The following PTGIR variants were observed in gnomAD, a reference collection of about 807,000 sequenced individuals.
PTGIR encodes the protein prostaglandin I2 receptor, also known as prostacyclin receptor.
In PTGIR, 16 loss-of-function variants were observed where a neutral mutation model predicts 17.6. That is an observed-to-expected ratio of 0.91 (90% CI 0.61 to 1.38). The LOEUF (loss-of-function observed/expected upper bound fraction) is 1.38, where lower values mean the gene tolerates loss of function less well. Ranked by LOEUF, PTGIR falls within the 40% of genes most tolerant of loss-of-function variation. The probability of loss-of-function intolerance (pLI) is 0.00; values close to 1 mark genes in which losing one functional copy is unlikely to be tolerated. For missense variants in PTGIR, 532 were observed against 548.6 expected (o/e 0.97, Z 0.30); for synonymous variants, 274 against 255.4 (o/e 1.07, Z -0.69).
chr19:46,611,852 C>T, the PTGIR span, among the ~76,000 whole-genome samples: 71 of 152,250 alleles, frequency 4.7e-4, no homozygotes, highest in Non-Finnish European at 1.9e-4. Context: ...AACTTCTGAG[C>T]TTCTCACACA....
Position 46,623,804 on chromosome 19 carries a change from G to A in PTGIR, c.422C>T (p.Pro141Leu). The change falls in exon 2 of 3, where the codon CCA becomes CTA. Residue 141 changes from proline (P) to leucine (L), a missense_variant. Transcript: ENST00000291294. ...DGPRCARLAL[P>L]AIYAFCVLFC... ...GAGGACGCAGAAGGCGTAGATGGCT[G>A]GCAGCGCCAGGCGGGCGCAGCGGGG... The A allele has an allele frequency of 6.2e-7, 1 of 1,608,756 alleles. No homozygotes were observed.
In PTGIR at chr19:46,621,139, T is replaced by C; in HGVS notation, c.*141A>G. ...TTCCCAGAGCCAGCAGCGACTGCCC[T>C]GCCGCAGGAGAAACAGCAGCTGATC... On this transcript the variant is annotated 3_prime_UTR_variant, in exon 3 of 3. Transcript: ENST00000291294. The surrounding 1 kb of genome is among the most constrained non-coding windows in gnomAD (Gnocchi z 4.8). The C allele has an allele frequency of 7.3e-7, 1 of 1,369,720 alleles. No homozygotes were observed. The highest frequency in any genetic ancestry group is 9.4e-7 in the Non-Finnish European group (1 of 1,059,396). The allele number at this position is 1,369,720 out of a possible 1,614,324, so 84.8% of individuals were successfully genotyped here. A position where few individuals can be genotyped will look rare whatever the true frequency, so the allele number is the denominator to read the frequency against.
the PTGIR span, among the ~76,000 whole-genome samples, chr19:46,614,693 A>G: frequency 1.3e-5 from 2 of 152,298 alleles, no homozygotes; most frequent in South Asian, 4.1e-4. Context: ...CCTGGCCAAC[A>G]TGATGAAACC....
At chr19:46,618,042 T>C (rs1971988018), downstream of PTGIR, among the ~76,000 whole-genome samples, 1 of 123,052 alleles carries the variant, frequency 8.1e-6, no homozygotes, top group Non-Finnish European at 1.7e-5. Context: ...TGAGACGGAG[T>C]CTGGCTCTGT....
chr19:46,613,980 A>G, the PTGIR span, among the ~76,000 whole-genome samples: 3 of 152,236 alleles, frequency 2.0e-5, no homozygotes, highest in African/African-American at 4.8e-5. Context: ...ACATTATTAA[A>G]TAATCATGAC....
chr19:46,616,773 A>T (rs950028215), downstream of PTGIR, among the ~76,000 whole-genome samples: 8 of 152,056 alleles, frequency 5.3e-5, no homozygotes, highest in Non-Finnish European at 1.2e-4. Flanking sequence ...TGTCTCCCCC[A>T]CCAAACTGAG....
rs763480915 is a variant in PTGIR at position 46,624,240 on chromosome 19, G to A, written c.-12-3C>T. The A allele has an allele frequency of 1.2e-4, 171 of 1,426,930 alleles. No individual in the cohort carries two copies. Among genetic ancestry groups the A allele is most frequent in the Non-Finnish European group, 1.4e-4 (153 of 1,096,034 alleles). The allele number at this position is 1,426,930 out of a possible 1,614,324, so 88.4% of individuals were successfully genotyped here. A position where few individuals can be genotyped will look rare whatever the true frequency, so the allele number is the denominator to read the frequency against. Reference sequence around the variant, plus strand: ...GAATCCGCCATCCCAGGTCTGGGCTGGAGGGTTCCCAAGGTGGGGGGTCAG... The same window carrying A: ...GAATCCGCCATCCCAGGTCTGGGCTAGAGGGTTCCCAAGGTGGGGGGTCAG... On this transcript the variant is annotated splice_polypyrimidine_tract_variant and splice_region_variant and intron_variant, in intron 1 of 2. Transcript: ENST00000291294.
At chr19:46,613,347 T>TC in the PTGIR span, among the ~76,000 whole-genome samples, 1 of 15,112 alleles carries the variant, frequency 6.6e-5, no homozygotes, top group African/African-American at 2.6e-4. Context: ...CGCCTCCCCC[T>TC]ACCCCCCCAT....
In PTGIR at chr19:46,623,982, G is replaced by A. The variant is rs887502516; in HGVS notation, c.244C>T (p.Leu82=). 2.6e-6 allele frequency: 4 copies of A among 1,566,422 alleles called. No homozygotes were observed. The African/African-American group carries it at 5.4e-5, about 21-fold the overall frequency. Residue 82 remains leucine (L), a synonymous_variant, in exon 2 of 3, where the codon CTG becomes TTG. Coordinates refer to ENST00000291294, the MANE Select transcript of PTGIR (RefSeq NM_000960.4). ...GCGGGGCCGCCTCGGGCCAGGCCCA[G>A]CAGGGAGCTGTTGCGCGCATAGGCC... ...FVAYARNSSL[L]GLARGGPALC... is the part of the protein sequence containing the mutation.
chr19:46,613,027 C>CTTTT, the PTGIR span, among the ~76,000 whole-genome samples: 44 of 74,240 alleles, frequency 5.9e-4, 4 homozygotes, highest in Non-Finnish European at 8.6e-4. Flanking sequence ...TTGTGCCAAA[C>CTTTT]TTTTTTTTTT....
chr19:46,617,248 G>T (rs1971976006), downstream of PTGIR, among the ~76,000 whole-genome samples: 1 of 152,192 alleles, frequency 6.6e-6, no homozygotes, highest in Non-Finnish European at 1.5e-5. Flanking sequence ...GGCAGGGACT[G>T]CCAGATAGAG....
downstream of PTGIR, among the ~76,000 whole-genome samples, chr19:46,619,472 G>A (rs1270921926): frequency 6.8e-6 from 1 of 147,586 alleles, no homozygotes; most frequent in Non-Finnish European, 1.5e-5. Flanking sequence ...TCCAGCCTGG[G>A]TGACAGAGTG....
chr19:46,619,540 A>G (rs113230429), downstream of PTGIR, among the ~76,000 whole-genome samples: 2 of 64,674 alleles, frequency 3.1e-5, no homozygotes, highest in African/African-American at 6.1e-5. Context: ...AAAGAAAGAA[A>G]GAAAGAAAGA....
Position 46,621,610 on chromosome 19 carries a change from G to A in PTGIR, c.831C>T (p.Ala277=). 1 of 1,613,622 alleles carries A rather than the reference G, an allele frequency of 6.2e-7. No homozygotes were observed. The highest frequency in any genetic ancestry group is 8.5e-7 in the Non-Finnish European group (1 of 1,180,028). The change falls in exon 3 of 3, where the codon GCC becomes GCT. Residue 277 remains alanine, a synonymous_variant. Transcript: ENST00000291294. This position sits in a 1 kb window ranked among gnomAD's most constrained non-coding sequence, Gnocchi z 4.8. ...TGGGGTTGAAGGCGTAGAAGCGGAAGGCAAGGAGGTCCCCCATCTCACTGC... is the reference window on the plus strand; with the variant it reads ...TGGGGTTGAAGGCGTAGAAGCGGAAAGCAAGGAGGTCCCCCATCTCACTGC... ...DSSSEMGDLL[A]FRFYAFNPIL...
At chr19:46,617,258 G>A (rs912325715), downstream of PTGIR, among the ~76,000 whole-genome samples, 38 of 152,200 alleles carry the variant, frequency 2.5e-4, no homozygotes, top group African/African-American at 8.4e-4. Context: ...GCCAGATAGA[G>A]CTCTCTGGAC....
rs947401727 is a variant in PTGIR, at chr19:46,624,196, G to A, written c.30C>T (p.Tyr10=). 1.6e-5 allele frequency: 23 copies of A among 1,468,342 alleles called. No individual in the cohort carries two copies. Among genetic ancestry groups the A allele is most frequent in the Non-Finnish European group, 1.8e-5 (20 of 1,116,918 alleles). 91.0% of individuals were successfully genotyped at this position (1,468,342 alleles called of 1,614,324 possible). ...TGGCCGGCCCCACCGAGCCCCGCACGTAGGTGAGGTTCCTGCACGAATCCG... is the reference window on the plus strand; with the variant it reads ...TGGCCGGCCCCACCGAGCCCCGCACATAGGTGAGGTTCCTGCACGAATCCG... The part of the protein sequence containing the change: MADSCRNLT[Y]VRGSVGPATS... Residue 10 remains tyrosine, a synonymous_variant, in exon 2 of 3, where the codon TAC becomes TAT. Coordinates refer to ENST00000291294, the MANE Select transcript of PTGIR (RefSeq NM_000960.4).
chr19:46,611,875 G>C, the PTGIR span, among the ~76,000 whole-genome samples: 3 of 152,246 alleles, frequency 2.0e-5, no homozygotes, highest in Admixed American at 6.5e-5. Context: ...AGCTGGGCAA[G>C]GGTGGAGCAG....
the PTGIR span, among the ~76,000 whole-genome samples, chr19:46,611,724 T>C: frequency 6.6e-6 from 1 of 152,086 alleles, no homozygotes; most frequent in African/African-American, 2.4e-5. Context: ...CTGGGCAACA[T>C]AGCAAGACCC....
Position 46,621,305 on chromosome 19 carries a change from G to T in PTGIR, c.1136C>A (p.Ala379Asp). The T allele has an allele frequency of 6.6e-7, 1 of 1,516,056 alleles. No homozygotes were observed. Among genetic ancestry groups the T allele is most frequent in the Non-Finnish European group, 8.8e-7 (1 of 1,131,734 alleles). 93.9% of individuals were successfully genotyped at this position (1,516,056 alleles called of 1,614,324 possible). Residue 379 changes from alanine to aspartate, a missense_variant, in exon 3 of 3, where the codon GCC (alanine) becomes GAC (aspartate). Coordinates refer to ENST00000291294, the MANE Select transcript of PTGIR (RefSeq NM_000960.4). The surrounding 1 kb of genome is among the most constrained non-coding windows in gnomAD (Gnocchi z 4.8). ...TCAGCAGAGGGAGCAGGCGACGCTG[G>T]CTTCTGCTTTGGACGACGTTCCCAC... ...SAVGTSSKAE[A>D]SVACSLC
Sources: gnomAD v4.1 joint callset for allele counts (sites outside exome capture counted in the v4.1 genomes callset) on GRCh38, gnomAD v4.1.1 for gene constraint, Gnocchi (gnomAD v3.1) non-coding constraint, MANE v1.5 for transcripts, NCBI Gene and HGNC (gene_info 2026-07-23, HGNC 2026-07-21) for gene names.